DAB2: variants seen among roughly 807,000 people sequenced by gnomAD.
DAB2 encodes the protein disabled homolog 2.
DAB2 carries 28 observed loss-of-function variants against 71.6 expected under a neutral mutation model. The ratio of observed to expected loss-of-function variants is 0.39; its 90% CI spans 0.29 to 0.54. The LOEUF is 0.54. DAB2 is among the 20% of genes least tolerant of loss of function. The pLI, the probability that DAB2 is intolerant of heterozygous loss-of-function variation, is 0.68. For synonymous variants in DAB2, 345 were observed against 339.7 expected (o/e 1.02, Z -0.17); for missense variants, 867 against 928.8 (o/e 0.93, Z 0.86).
intron 1 of DAB2, among the ~76,000 whole-genome samples, chr5:39,394,699 A>C (rs1462513322): frequency 6.6e-6 from 1 of 152,192 alleles, no homozygotes; most frequent in Non-Finnish European, 1.5e-5. Context: ...TTTTTATTAG[A>C]ACTTTCACAT....
chr5:39,395,882 G>A (rs936015165), intron 1 of DAB2, among the ~76,000 whole-genome samples: 4 of 147,444 alleles, frequency 2.7e-5, no homozygotes, highest in African/African-American at 1.0e-4. Context: ...GTAGTCCTGT[G>A]AGTATTACTG....
Position 39,392,444 on chromosome 5 carries a change from C to A in DAB2, c.251G>T (p.Arg84Leu), listed in dbSNP as rs1363130722. The change falls in exon 4 of 15, where the codon CGG (arginine) becomes CTG (leucine). Residue 84 changes from arginine to leucine, a missense_variant. Physicochemically the swap from Arg to Leu is moderately radical, Grantham distance 102. Coordinates refer to ENST00000320816, the MANE Select transcript of DAB2 (RefSeq NM_001343.4). ...MKLKGMAAAG[R>L]SQGQHKQRIW... ...CCTTTGTTTGTGTTGTCCCTGAGACCGACCAGCTGCCGCCATTCCCTGATG... is the reference window on the plus strand; with the variant it reads ...CCTTTGTTTGTGTTGTCCCTGAGACAGACCAGCTGCCGCCATTCCCTGATG... 26 of 1,613,660 alleles carry A rather than the reference C, an allele frequency of 1.6e-5. No homozygotes were observed. Among genetic ancestry groups the A allele is most frequent in the Non-Finnish European group, 2.2e-5 (26 of 1,179,726 alleles).
In DAB2 at chr5:39,383,174, G is replaced by T. The variant is rs746952574; in HGVS notation, c.785C>A (p.Ser262Tyr). 45 of 1,614,002 alleles carry T rather than the reference G, an allele frequency of 2.8e-5. No homozygotes were observed. In the South Asian group the frequency reaches 4.8e-4, roughly 17 times the overall value. ...AGGCGTTGGTCGAGGAAGAGAACAG[G>T]AGGTGATGCCGTTTGTTAAGAATGG... ...ENPFLTNGIT[S>Y]CSLPRPTPQA... Residue 262 changes from serine to tyrosine, a missense_variant, in exon 10 of 15, where the codon TCC becomes TAC. By Grantham distance (144) the Ser-to-Tyr change is moderately radical. This residue lies in a region of DAB2 where 740 missense variants were observed against 734.3 expected (regional missense o/e 1.01). Coordinates refer to ENST00000320816, the MANE Select transcript of DAB2 (RefSeq NM_001343.4).
intron 9 of DAB2, among the ~76,000 whole-genome samples, chr5:39,387,142 A>G (rs1257094590): frequency 6.6e-6 from 1 of 152,132 alleles, no homozygotes; most frequent in Non-Finnish European, 1.5e-5. Flanking sequence ...ATCTCATTTG[A>G]CCTGAAAGTT....
chr5:39,408,396 T>C (rs533284954), intron 1 of DAB2: 1 of 152,330 alleles, frequency 6.6e-6, no homozygotes, highest in East Asian at 1.9e-4. Flanking sequence ...GAGTTGGCAT[T>C]AACCTTCCAT....
rs570374778 is a variant in DAB2 at position 39,380,323 on chromosome 5, A to G, written c.1504+1131T>C. ...GCCACCCTATTCTAGATATGATTAA[A>G]CAGATTTCTTGTAAAAGAACCAAAC... On this transcript the variant is annotated intron_variant, in intron 11 of 14. Transcript: ENST00000320816. Among the ~76,000 whole-genome samples the G allele has an allele frequency of 3.9e-5, 6 of 152,334 alleles. No homozygotes were observed. In the South Asian group the frequency reaches 1.0e-3, roughly 26 times the overall value.
intron 2 of DAB2, 116 bp from the exon 3 acceptor site, chr5:39,393,509 G>T: frequency 1.9e-6 from 2 of 1,068,956 alleles, no homozygotes; most frequent in Non-Finnish European, 2.7e-6. Flanking sequence ...AACTGATCAT[G>T]TATGTAATAT....
At chr5:39,394,126 G>T in intron 2 of DAB2, 104 bp downstream of exon 2, 2 of 899,062 alleles carry the variant, frequency 2.2e-6, no homozygotes, top group Admixed American at 2.1e-5. Context: ...AGCTGAGGTT[G>T]AAGGAAGATC....
At chr5:39,374,960 T>G in intron 14 of DAB2, 54 bp downstream of exon 14, 1 of 1,091,660 alleles carries the variant, frequency 9.2e-7, no homozygotes. Context: ...TTATTCCATG[T>G]CACCCTTTCT....
In DAB2 at chr5:39,393,536, C is replaced by T. The variant is rs1579912087; in HGVS notation, c.92-143G>A. Reference sequence around the variant, plus strand: ...ATGTAATATTCTGTCCTGTCTTATTCTTACTTCCTTTGAGCAAAATCATGT... The same window carrying T: ...ATGTAATATTCTGTCCTGTCTTATTTTTACTTCCTTTGAGCAAAATCATGT... On this transcript the variant is annotated intron_variant, in intron 2 of 14. Transcript: ENST00000320816. 1.4e-5 allele frequency: 12 copies of T among 871,490 alleles called. No individual in the cohort carries two copies. The East Asian group carries it at 2.9e-4, about 21-fold the overall frequency. 54.0% of individuals were successfully genotyped at this position (871,490 alleles called of 1,614,324 possible).
At chr5:39,415,999 C>G (rs557545047) in intron 1 of DAB2, among the ~76,000 whole-genome samples, 1 of 152,208 alleles carries the variant, frequency 6.6e-6, no homozygotes, top group Admixed American at 6.5e-5. Context: ...AGTCAAACCT[C>G]TGAAAGTCTA....
At chr5:39,410,117 G>C (rs1345047827) in intron 1 of DAB2, among the ~76,000 whole-genome samples, 1 of 152,054 alleles carries the variant, frequency 6.6e-6, no homozygotes, top group African/African-American at 2.4e-5. Context: ...TTAATCCAGG[G>C]CTGGGGAAGG....
At chr5:39,392,517 G>A in intron 3 of DAB2, 54 bp from the exon 4 acceptor site, 2 of 1,300,644 alleles carry the variant, frequency 1.5e-6, no homozygotes, top group African/African-American at 1.5e-5. Flanking sequence ...ATCCTACAAT[G>A]GTTTTAATAT....
rs61748214 is a variant in DAB2 at position 39,382,971 on chromosome 5, G to A, written c.988C>T (p.Pro330Ser). 6.2e-7 allele frequency: 1 copy of A among 1,614,136 alleles called. No homozygotes were observed. The highest frequency in any genetic ancestry group is 1.1e-5 in the South Asian group (1 of 91,068). Residue 330 changes from proline (P) to serine (S), a missense_variant, in exon 10 of 15, where the codon CCG becomes TCG. Around this residue, in one of 2 missense-constraint regions of DAB2, gnomAD observed 740 missense variants for 734.3 expected, o/e 1.01. Coordinates refer to ENST00000320816, the MANE Select transcript of DAB2 (RefSeq NM_001343.4). ...KKENSSSSSTPLSNGPLNGDV... is the reference protein window; with the variant it reads ...KKENSSSSSTSLSNGPLNGDV... ...CCATTCAGGGGCCCATTACTCAGCG[G>A]AGTAGACGAGCTACTCGAATTCTCT...
chr5:39,388,235 T>G, intron 9 of DAB2, 70 bp downstream of exon 9: 1 of 1,134,728 alleles, frequency 8.8e-7, no homozygotes, highest in Non-Finnish European at 1.3e-6. Context: ...TGCTTAAGAT[T>G]TCTGGTTATT....
intron 1 of DAB2, among the ~76,000 whole-genome samples, chr5:39,413,585 G>A (rs1257993402): frequency 6.6e-6 from 1 of 152,160 alleles, no homozygotes; most frequent in Non-Finnish European, 1.5e-5. Context: ...CCTCTTGTAT[G>A]AAGCAGAATG....
At chr5:39,388,933 C>A (rs2112050725) in intron 7 of DAB2, 81 bp from the exon 8 acceptor site, 1 of 1,355,420 alleles carries the variant, frequency 7.4e-7, no homozygotes, top group Non-Finnish European at 1.1e-6. Flanking sequence ...GTCTGCTAAG[C>A]AGCAATGGTT....
At chr5:39,393,078 T>A (rs900473570) in intron 3 of DAB2, among the ~76,000 whole-genome samples, 176 bp downstream of exon 3, 23 of 152,174 alleles carry the variant, frequency 1.5e-4, no homozygotes, top group African/African-American at 5.5e-4. Context: ...ATCTAGGACA[T>A]CCCTCCAAAT....
chr5:39,374,904 A>G (rs1754784589), intron 14 of DAB2, 110 bp downstream of exon 14: 2 of 733,484 alleles, frequency 2.7e-6, no homozygotes, highest in South Asian at 3.2e-5. Context: ...CTCCTAAATT[A>G]TAGATATTTA....
Sources: allele counts gnomAD v4.1 joint callset (sites outside exome capture counted in the v4.1 genomes callset), GRCh38; gene constraint gnomAD v4.1.1; regional missense constraint gnomAD v4.1.1; transcripts MANE v1.5; gene names NCBI Gene and HGNC (gene_info 2026-07-23, HGNC 2026-07-21).